Variants in SLC6A9 observed in about 807,000 individuals in gnomAD.
SLC6A9 encodes solute carrier family 6 member 9.
SLC6A9 carries 31 observed loss-of-function variants against 70.9 expected under a neutral mutation model. That is an observed-to-expected ratio of 0.44 (90% CI 0.33 to 0.59). The LOEUF (loss-of-function observed/expected upper bound fraction) is 0.59. SLC6A9 is among the 20% of genes least tolerant of loss of function. The probability of loss-of-function intolerance (pLI) is 0.04; values close to 1 mark genes in which losing one functional copy is unlikely to be tolerated. For synonymous variants in SLC6A9, 310 were observed against 341.3 expected, an observed-to-expected ratio of 0.91 and a Z score of 1.01; for missense variants, 631 against 845.2, an observed-to-expected ratio of 0.75 and a Z score of 3.14.
rs200526873 is a variant in SLC6A9 at position 44,001,195 on chromosome 1, C to G, written c.1304G>C (p.Gly435Ala). 1.9e-6 allele frequency: 3 copies of G among 1,614,212 alleles called. No homozygotes were observed. The highest frequency in any genetic ancestry group is 1.1e-5 in the South Asian group (1 of 91,084). The change falls in exon 10 of 14, where the codon GGC becomes GCC. Residue 435 changes from glycine (G) to alanine (A), a missense_variant. Coordinates refer to ENST00000372310, the MANE Select transcript of SLC6A9 (RefSeq NM_001024845.3). ...TYVTLGVAVA[G>A]FLLGIPLTSQ... The stretch of plus-strand genomic sequence containing the variant: ...GGTGAGGGGGATGCCCAGCAGGAAG[C>G]CAGCCACAGCCACGCCCAAGGTCAC...
rs911347790 is a variant in SLC6A9, at chr1:44,002,762, C to T, written c.723+91G>A. 8 of 1,595,104 alleles carry T rather than the reference C, an allele frequency of 5.0e-6. No individual in the cohort carries two copies. The highest frequency in any genetic ancestry group is 1.7e-4 in the Middle Eastern group (1 of 5,988). On this transcript the variant is annotated intron_variant, in intron 6 of 13. Coordinates refer to ENST00000372310, the MANE Select transcript of SLC6A9 (RefSeq NM_001024845.3). The surrounding 1 kb of genome is among the most constrained non-coding windows in gnomAD (Gnocchi z 5.5). Reference sequence around the variant, plus strand: ...TCCCTCTCCGGCTCCGGAGTCCCTTCAGCATCCCCTCCCTGCAATACACAC... The same window carrying T: ...TCCCTCTCCGGCTCCGGAGTCCCTTTAGCATCCCCTCCCTGCAATACACAC...
intron 2 of SLC6A9, among the ~76,000 whole-genome samples, chr1:44,023,067 C>T (rs949045132): frequency 2.0e-5 from 3 of 151,982 alleles, no homozygotes; most frequent in East Asian, 3.9e-4. Flanking sequence ...AGACAGGGCT[C>T]GTTTGGGGAG....
At chr1:44,011,827 G>A in intron 2 of SLC6A9, 1 of 1,127,354 alleles carries the variant, frequency 8.9e-7, no homozygotes, top group Non-Finnish European at 1.3e-6. Flanking sequence ...GCCCCACTGA[G>A]GACAGCCCCT....
chr1:44,030,348 GGTCCCCGCCCCAC>G (rs1178628930), intron 1 of SLC6A9: 1 of 152,450 alleles, frequency 6.6e-6, no homozygotes, highest in African/African-American at 2.4e-5. Flanking sequence ...GGGGCGCCGA[GGTCCCCGCCCCAC>G]GGCCCCGCCC....
At position 44,017,419 on chromosome 1, in the gene SLC6A9, A is replaced by T. The variant is rs979137163; in HGVS notation, c.31-6537T>A. On this transcript the variant is annotated intron_variant, in intron 2 of 13. Transcript: ENST00000372310. The stretch of plus-strand genomic sequence containing the variant: ...CACACACACACACACAGACTGGGGC[A>T]GAGCAGGCGAGAGGGTGGCTCACTC... 71 of 1,156,540 alleles carry T rather than the reference A, an allele frequency of 6.1e-5. No individual in the cohort carries two copies. In the Middle Eastern group the frequency reaches 1.4e-3, roughly 22 times the overall value. 71.6% of individuals were successfully genotyped at this position (1,156,540 alleles called of 1,614,324 possible).
At position 44,002,882 on chromosome 1, in the gene SLC6A9, G is replaced by C; in HGVS notation, c.694C>G (p.Leu232Val). 1 of 1,614,144 alleles carries C rather than the reference G, an allele frequency of 6.2e-7. No individual in the cohort carries two copies. The highest frequency in any genetic ancestry group is 8.5e-7 in the Non-Finnish European group (1 of 1,180,032). Reference sequence around the variant, plus strand: ...CCTGAAGACTTGACCCCTCGGATGAGGCAGAGGAAGACGACCAACCAGGAG... The same window carrying C: ...CCTGAAGACTTGACCCCTCGGATGACGCAGAGGAAGACGACCAACCAGGAG... ...GVSWLVVFLC[L>V]IRGVKSSGKV... is the part of the protein sequence containing the mutation. The change falls in exon 6 of 14, where the codon CTC becomes GTC. Residue 232 changes from leucine (L) to valine (V), a missense_variant. Physicochemically the swap from Leu to Val is conservative, Grantham distance 32. Coordinates refer to ENST00000372310, the MANE Select transcript of SLC6A9 (RefSeq NM_001024845.3). This position sits in a 1 kb window ranked among gnomAD's most constrained non-coding sequence, Gnocchi z 5.5.
chr1:43,997,726 G>T lies in SLC6A9; in HGVS notation c.1721C>A (p.Ala574Asp). 6.2e-7 allele frequency: 1 copy of T among 1,607,064 alleles called. No individual in the cohort carries two copies. The highest frequency in any genetic ancestry group is 8.5e-7 in the Non-Finnish European group (1 of 1,176,716). Residue 574 changes from alanine (A) to aspartate (D), a missense_variant, in exon 14 of 14, where the codon GCC becomes GAC. By Grantham distance (126) the Ala-to-Asp change is moderately radical. Transcript: ENST00000372310. The surrounding 1 kb of genome is among the most constrained non-coding windows in gnomAD (Gnocchi z 4.4). ...GCCCCAGTCTCTGCTTGGCTTTGTGGCATTTTTCAAACGCTGCATGAGGTA... is the reference window on the plus strand; with the variant it reads ...GCCCCAGTCTCTGCTTGGCTTTGTGTCATTTTTCAAACGCTGCATGAGGTA... ...GDTLLQRLKN[A>D]TKPSRDWGPA...
chr1:44,020,784 C>T (rs1249926466), intron 2 of SLC6A9, among the ~76,000 whole-genome samples: 1 of 152,192 alleles, frequency 6.6e-6, no homozygotes, highest in Admixed American at 6.5e-5. Context: ...CCCAAACCCT[C>T]AGGGAAAAAC....
At chr1:44,022,815 C>T (rs1023847774) in intron 2 of SLC6A9, among the ~76,000 whole-genome samples, 3 of 144,462 alleles carry the variant, frequency 2.1e-5, no homozygotes, top group African/African-American at 5.1e-5. Flanking sequence ...AAGTGATTTT[C>T]GTGCCACAGC....
intron 12 of SLC6A9, among the ~76,000 whole-genome samples, chr1:43,999,435 C>T (rs2086005823): frequency 6.6e-6 from 1 of 151,928 alleles, no homozygotes; most frequent in Admixed American, 6.5e-5. Context: ...CCTTCCTCCC[C>T]ACTGCCCTTG....
intron 2 of SLC6A9, chr1:44,011,601 A>G: frequency 6.2e-7 from 1 of 1,614,048 alleles, no homozygotes. Context: ...GAGTTGGGGA[A>G]GGAGACCAGA....
chr1:44,001,116 G>A, intron 10 of SLC6A9, 48 bp downstream of exon 10: 1 of 1,613,484 alleles, frequency 6.2e-7, no homozygotes, highest in Non-Finnish European at 8.5e-7. Flanking sequence ...ACCCTTCCCT[G>A]CACGTCCTGG....
chr1:44,000,911 G>A (rs763432333), intron 11 of SLC6A9, 44 bp from the exon 12 acceptor site: 21 of 1,594,820 alleles, frequency 1.3e-5, no homozygotes, highest in African/African-American at 9.4e-5. Context: ...CAGAGTGGGC[G>A]GGCCAAGGGC....
Position 44,001,473 on chromosome 1 carries a change from C to T in SLC6A9, c.1117G>A (p.Glu373Lys), listed in dbSNP as rs1385786347. The change falls in exon 9 of 14, where the codon GAG (glutamate) becomes AAG (lysine). Residue 373 changes from glutamate to lysine, a missense_variant. Physicochemically the swap from Glu to Lys is moderately conservative, Grantham distance 56. Coordinates refer to ENST00000372310, the MANE Select transcript of SLC6A9 (RefSeq NM_001024845.3). ...GPGLAFVAYP[E>K]ALTLLPISPL... The stretch of plus-strand genomic sequence containing the variant: ...GAGATGGGAAGTAGTGTGAGGGCCT[C>T]GGGGTAAGCCACGAAGGCCAGGCCA... 7.4e-6 allele frequency: 12 copies of T among 1,614,138 alleles called. No homozygotes were observed. Among genetic ancestry groups the T allele is most frequent in the African/African-American group, 1.3e-5 (1 of 75,040 alleles).
chr1:44,011,447 G>T, intron 2 of SLC6A9: 1 of 873,358 alleles, frequency 1.1e-6, no homozygotes. Context: ...GGGGGAAATG[G>T]GGGAGCAGCT....
chr1:44,019,596 C>A (rs74070404), intron 2 of SLC6A9, among the ~76,000 whole-genome samples: 1 of 152,364 alleles, frequency 6.6e-6, no homozygotes, highest in East Asian at 1.9e-4. Context: ...TGGCCTGGGC[C>A]GGGTGCCCAG....
At chr1:44,011,710 G>A in intron 2 of SLC6A9, 1 of 1,613,968 alleles carries the variant, frequency 6.2e-7, no homozygotes, top group Non-Finnish European at 8.5e-7. Context: ...CTCTGAACAG[G>A]GAGAAGCGTC....
intron 5 of SLC6A9, among the ~76,000 whole-genome samples, chr1:44,003,227 G>T (rs750289351): frequency 1.7e-4 from 26 of 152,192 alleles, no homozygotes; most frequent in Non-Finnish European, 3.1e-4. Context: ...CCCTTCAAGG[G>T]CTCCTGGAGG....
intron 2 of SLC6A9, chr1:44,017,326 G>A: frequency 7.1e-7 from 1 of 1,403,746 alleles, no homozygotes; most frequent in East Asian, 2.9e-5. Context: ...GGTGTGTGGG[G>A]TTTGTTGTGT....
Sources: allele counts gnomAD v4.1 joint callset (sites outside exome capture counted in the v4.1 genomes callset), GRCh38; gene constraint gnomAD v4.1.1; non-coding constraint Gnocchi (gnomAD v3.1); transcripts MANE v1.5; gene names NCBI Gene and HGNC (gene_info 2026-07-23, HGNC 2026-07-21).